Variants in MET observed in about 807,000 individuals in gnomAD.
MET encodes the protein hepatocyte growth factor receptor.
Under a neutral mutation model 133.1 loss-of-function variants are expected in MET, and 48 were observed. The observed-to-expected ratio is 0.36, with a 90% confidence interval of 0.29 to 0.46. The LOEUF (loss-of-function observed/expected upper bound fraction) is 0.46. Among genes scored for constraint, MET ranks in the 20% least tolerant of loss-of-function variants. The probability of loss-of-function intolerance (pLI) is 1.00; values close to 1 mark genes in which losing one functional copy is unlikely to be tolerated. For synonymous variants in MET, 628 were observed against 616.5 expected, an observed-to-expected ratio of 1.02 and a Z score of -0.28; for missense variants, 1,442 against 1,695.9, an observed-to-expected ratio of 0.85 and a Z score of 2.63.
chr7:116,755,626 G>C (rs1487974399), intron 6 of MET, 111 bp downstream of exon 6: 3 of 1,325,136 alleles, frequency 2.3e-6, no homozygotes, highest in Non-Finnish European at 2.1e-6. Flanking sequence ...ATTAAAAAGG[G>C]TCTTGGCCTG....
chr7:116,697,568 T>C (rs2116570015), intron 1 of MET, among the ~76,000 whole-genome samples: 1 of 152,330 alleles, frequency 6.6e-6, no homozygotes, highest in East Asian at 1.9e-4. Flanking sequence ...AAATTTTGGC[T>C]ACTACACTTA....
At chr7:116,724,906 G>A (rs1024426747) in intron 2 of MET, 2 of 1,236,076 alleles carry the variant, frequency 1.6e-6, no homozygotes, top group Non-Finnish European at 2.1e-6. Flanking sequence ...GAGATTCCAT[G>A]AATTAATATT....
chr7:116,684,621 AAT>A (rs1267171884), intron 1 of MET, among the ~76,000 whole-genome samples: 1 of 152,186 alleles, frequency 6.6e-6, no homozygotes, highest in Middle Eastern at 3.2e-3. Flanking sequence ...TGAGGGCAAG[AAT>A]ATCCATAAAG....
At chr7:116,735,053 G>A (rs1056207802) in intron 3 of MET, among the ~76,000 whole-genome samples, 2 of 152,134 alleles carry the variant, frequency 1.3e-5, no homozygotes, top group Admixed American at 1.3e-4. Flanking sequence ...GGATGCGAGA[G>A]GGGGTGGGGA....
At chr7:116,777,292 GAAGA>G in intron 15 of MET, 93 bp from the exon 16 acceptor site, 1 of 1,044,008 alleles carries the variant, frequency 9.6e-7, no homozygotes, top group Non-Finnish European at 1.5e-6. Flanking sequence ...TGTATAGAAA[GAAGA>G]AAGAATAAAA....
chr7:116,709,003 A>ACT (rs774231385), intron 2 of MET, among the ~76,000 whole-genome samples: 29 of 152,080 alleles, frequency 1.9e-4, no homozygotes, highest in Non-Finnish European at 3.8e-4. Context: ...TGTGCACTGT[A>ACT]CTCTGCACAA....
rs2117067717 is a variant in MET at position 116,783,467 on chromosome 7, G to A, written c.3796G>A (p.Val1266Met). The A allele has an allele frequency of 6.2e-7, 1 of 1,614,104 alleles. No individual in the cohort carries two copies. The highest frequency in any genetic ancestry group is 8.5e-7 in the Non-Finnish European group (1 of 1,180,012). ...TCAAAAGTTTACCACCAAGTCAGAT[G>A]TGGTAATGTATTGGTTATCTCTGAG... Reference protein sequence around the residue: ...QTQKFTTKSDVWSFGVLLWEL... With the variant: ...QTQKFTTKSDMWSFGVLLWEL... Residue 1266 changes from valine (V) to methionine (M), a missense_variant and splice_region_variant, in exon 19 of 21, where the codon GTG (valine) becomes ATG (methionine). Val to Met is a conservative substitution (Grantham distance 21, BLOSUM62 1). This residue lies in a region of MET where 32 missense variants were observed against 72.4 expected (regional missense o/e 0.44). Coordinates refer to ENST00000397752, the MANE Select transcript of MET (RefSeq NM_000245.4).
At chr7:116,691,643 C>T (rs1229447635) in intron 1 of MET, among the ~76,000 whole-genome samples, 1 of 152,200 alleles carries the variant, frequency 6.6e-6, no homozygotes, top group Non-Finnish European at 1.5e-5. Flanking sequence ...TGTCTGGGCT[C>T]TCTGGCCTCT....
intron 3 of MET, 42 bp downstream of exon 3, chr7:116,731,901 A>G (rs2116785463): frequency 6.3e-7 from 1 of 1,594,520 alleles, no homozygotes; most frequent in Non-Finnish European, 8.6e-7. Context: ...TCTATCTGGT[A>G]TTGTGCAATT....
chr7:116,779,749 A>G (rs1225808498), intron 17 of MET, among the ~76,000 whole-genome samples: 2 of 152,100 alleles, frequency 1.3e-5, no homozygotes, highest in Admixed American at 6.6e-5. Flanking sequence ...GAAATATCTC[A>G]CTAGTAGTTG....
At chr7:116,783,243 T>A (rs1304094423) in intron 18 of MET, 61 bp from the exon 19 acceptor site, 1 of 1,591,538 alleles carries the variant, frequency 6.3e-7, no homozygotes, top group East Asian at 2.2e-5. Context: ...CTGTAGATAT[T>A]CAGCATCATT....
intron 1 of MET, among the ~76,000 whole-genome samples, chr7:116,681,520 T>A (rs1432947073): frequency 6.6e-6 from 1 of 152,218 alleles, no homozygotes; most frequent in Non-Finnish European, 1.5e-5. Flanking sequence ...ATTTCTTTGG[T>A]CCTTGACTAT....
At chr7:116,740,769 T>G in intron 4 of MET, 83 bp from the exon 5 acceptor site, 1 of 1,517,222 alleles carries the variant, frequency 6.6e-7, no homozygotes, top group Non-Finnish European at 9.1e-7. Flanking sequence ...GATATTTACA[T>G]GTACCTTTTG....
intron 19 of MET, among the ~76,000 whole-genome samples, chr7:116,794,779 T>C (rs533881098): frequency 2.5e-4 from 38 of 152,390 alleles, no homozygotes; most frequent in African/African-American, 8.4e-4. Context: ...GGGCGGCCTC[T>C]GCCCATGCTG....
chr7:116,765,033 C>T (rs556737816), intron 11 of MET, among the ~76,000 whole-genome samples: 68 of 152,244 alleles, frequency 4.5e-4, no homozygotes, highest in Non-Finnish European at 7.4e-4. Flanking sequence ...GGCACGGTAG[C>T]TCATACCTGT....
At chr7:116,793,619 C>T (rs1795581850) in intron 19 of MET, among the ~76,000 whole-genome samples, 1 of 152,066 alleles carries the variant, frequency 6.6e-6, no homozygotes, top group African/African-American at 2.4e-5. Flanking sequence ...ACATATGCAG[C>T]CAGGCGCCGT....
Position 116,699,485 on chromosome 7 carries a change from G to A in MET, c.401G>A (p.Gly134Asp), listed in dbSNP as rs2116587889. 1 of 1,613,970 alleles carries A rather than the reference G, an allele frequency of 6.2e-7. No individual in the cohort carries two copies. The highest frequency in any genetic ancestry group is 8.5e-7 in the Non-Finnish European group (1 of 1,179,936). Residue 134 changes from glycine to aspartate, a missense_variant, in exon 2 of 21, where the codon GGC (glycine) becomes GAC (aspartate). This residue lies in a region of MET where 762 missense variants were observed against 792.4 expected (regional missense o/e 0.96). Transcript: ENST00000397752. ...TYYDDQLISCGSVNRGTCQRH... is the reference protein window; with the variant it reads ...TYYDDQLISCDSVNRGTCQRH... ...TATGATGATCAACTCATTAGCTGTGGCAGCGTCAACAGAGGGACCTGCCAG... is the reference window on the plus strand; with the variant it reads ...TATGATGATCAACTCATTAGCTGTGACAGCGTCAACAGAGGGACCTGCCAG...
chr7:116,746,364 C>G (rs1793685172), intron 5 of MET, among the ~76,000 whole-genome samples: 3 of 152,186 alleles, frequency 2.0e-5, no homozygotes, highest in African/African-American at 7.2e-5. Flanking sequence ...TTGTGGAAGA[C>G]AGTGTGGTGA....
intron 19 of MET, among the ~76,000 whole-genome samples, chr7:116,787,811 G>A (rs948896472): frequency 6.6e-6 from 1 of 152,126 alleles, no homozygotes; most frequent in African/African-American, 2.4e-5. Flanking sequence ...CCAAAGAGAC[G>A]TAAGAATAGC....
Sources: allele counts gnomAD v4.1 joint callset (sites outside exome capture counted in the v4.1 genomes callset), GRCh38; gene constraint gnomAD v4.1.1; regional missense constraint gnomAD v4.1.1; transcripts MANE v1.5; gene names NCBI Gene and HGNC (gene_info 2026-07-23, HGNC 2026-07-21).